Variants in IGF2BP3 observed in about 807,000 individuals in gnomAD.
IGF2BP3 encodes the protein insulin like growth factor 2 mRNA binding protein 3.
In IGF2BP3, 9 loss-of-function variants were observed where a neutral mutation model predicts 73.8. The ratio of observed to expected loss-of-function variants is 0.12; its 90% CI spans 0.07 to 0.21. IGF2BP3 has a LOEUF of 0.21. IGF2BP3 is among the 10% of genes least tolerant of loss of function. IGF2BP3 has a pLI of 1.00. For missense variants in IGF2BP3, 542 were observed against 714.0 expected (o/e 0.76, Z 2.75); for synonymous variants, 258 against 256.7 (o/e 1.01, Z -0.05).
chr7:23,444,516 G>C (rs536576602), intron 2 of IGF2BP3, among the ~76,000 whole-genome samples: 1 of 152,126 alleles, frequency 6.6e-6, no homozygotes, highest in African/African-American at 2.4e-5. Context: ...CAAAGCAAAT[G>C]GATCACTTGA....
intron 3 of IGF2BP3, among the ~76,000 whole-genome samples, chr7:23,378,569 GTTTTTTTTTT>G (rs1156868701): frequency 1.5e-5 from 1 of 65,884 alleles, no homozygotes; most frequent in Non-Finnish European, 2.6e-5. Flanking sequence ...ATTTTTGCTT[GTTTTTTTTTT>G]TTTTTTTTTT....
At chr7:23,321,381 A>C (rs1175100056) in intron 10 of IGF2BP3, among the ~76,000 whole-genome samples, 2 of 152,166 alleles carry the variant, frequency 1.3e-5, no homozygotes, top group Non-Finnish European at 2.9e-5. Context: ...AAAAAACGGC[A>C]CACCAGGAGA....
rs1784962783 is a variant in IGF2BP3 at position 23,351,550 on chromosome 7, A to G, written c.438T>C (p.Asn146=). ...LDKLNGFQLE[N]FTLKVAYIPD... The stretch of plus-strand genomic sequence containing the variant: ...GGATATAGGCTACTTTCAAGGTGAA[A>G]TTCTCTAACTGAAATCCATTCAGTT... Residue 146 remains asparagine, a synonymous_variant, in exon 6 of 15, where the codon AAT becomes AAC. Coordinates refer to ENST00000258729, the MANE Select transcript of IGF2BP3 (RefSeq NM_006547.3). The G allele has an allele frequency of 2.5e-6, 4 of 1,614,090 alleles. No individual in the cohort carries two copies. The African/African-American group carries it at 4.0e-5, about 16-fold the overall frequency.
At chr7:23,432,837 A>C (rs903394795) in intron 2 of IGF2BP3, among the ~76,000 whole-genome samples, 6 of 152,134 alleles carry the variant, frequency 3.9e-5, no homozygotes, top group Non-Finnish European at 8.8e-5. Flanking sequence ...CTGTGGTTTC[A>C]CCACGTTGCC....
chr7:23,456,669 A>T (rs1313574268), intron 2 of IGF2BP3, among the ~76,000 whole-genome samples: 1 of 152,232 alleles, frequency 6.6e-6, no homozygotes, highest in Non-Finnish European at 1.5e-5. Context: ...TTGATGAGAC[A>T]GTTCTTACTC....
At chr7:23,356,367 C>T (rs274062) in intron 5 of IGF2BP3, among the ~76,000 whole-genome samples, 1 of 151,604 alleles carries the variant, frequency 6.6e-6, no homozygotes, top group Non-Finnish European at 1.5e-5. Context: ...AGATCAGCCT[C>T]GGCAACACAG....
chr7:23,341,389 C>T (rs1423559412), intron 10 of IGF2BP3, among the ~76,000 whole-genome samples: 2 of 152,026 alleles, frequency 1.3e-5, no homozygotes, highest in African/African-American at 4.8e-5. Flanking sequence ...AATTACTGGC[C>T]AGGTAATAGC....
intron 6 of IGF2BP3, chr7:23,347,954 A>C (rs909388165): frequency 7.8e-6 from 4 of 510,466 alleles, no homozygotes; most frequent in Non-Finnish European, 1.4e-5. Flanking sequence ...AATCCAACCA[A>C]GCGGGGACAT....
At chr7:23,314,307 T>C (rs914363513) in intron 12 of IGF2BP3, among the ~76,000 whole-genome samples, 2 of 151,842 alleles carry the variant, frequency 1.3e-5, no homozygotes, top group Admixed American at 1.3e-4. Context: ...CTCAGCCTCC[T>C]GAGTAGCTGG....
At chr7:23,444,468 C>A (rs1011841307) in intron 2 of IGF2BP3, among the ~76,000 whole-genome samples, 5 of 151,982 alleles carry the variant, frequency 3.3e-5, no homozygotes, top group Non-Finnish European at 7.4e-5. Context: ...AGGTCAGGTG[C>A]GGGGGCTCAC....
intron 3 of IGF2BP3, chr7:23,415,670 C>G (rs907058908): frequency 6.1e-6 from 1 of 165,238 alleles, no homozygotes; most frequent in Non-Finnish European, 1.3e-5. Flanking sequence ...ATCCCAGGCG[C>G]CAGCCATAGC....
intron 5 of IGF2BP3, among the ~76,000 whole-genome samples, chr7:23,353,836 T>G (rs547457687): frequency 6.6e-6 from 1 of 152,244 alleles, no homozygotes; most frequent in Non-Finnish European, 1.5e-5. Context: ...GTCCCCTTTT[T>G]TTCTTAAGGG....
chr7:23,437,373 C>CT (rs1787830090), intron 2 of IGF2BP3, among the ~76,000 whole-genome samples: 2 of 151,244 alleles, frequency 1.3e-5, no homozygotes, highest in African/African-American at 4.9e-5. Context: ...ATCCCAGCTA[C>CT]TTAGGGGGCT....
At chr7:23,397,872 T>TA (rs1409688657) in intron 3 of IGF2BP3, among the ~76,000 whole-genome samples, 1 of 152,156 alleles carries the variant, frequency 6.6e-6, no homozygotes, top group Non-Finnish European at 1.5e-5. Flanking sequence ...AGGGTATAAG[T>TA]AAGTATCTTG....
chr7:23,342,135 G>A lies in IGF2BP3; in HGVS notation c.1132C>T (p.Pro378Ser). 1 of 1,613,326 alleles carries A rather than the reference G, an allele frequency of 6.2e-7. No homozygotes were observed. The change falls in exon 10 of 15, where the codon CCC (proline) becomes TCC (serine). Residue 378 changes from proline to serine, a missense_variant. Physicochemically the swap from Pro to Ser is moderately conservative, Grantham distance 74 (BLOSUM62 -1). Around this residue, in one of 2 missense-constraint regions of IGF2BP3, gnomAD observed 303 missense variants for 472.1 expected, o/e 0.64. Coordinates refer to ENST00000258729, the MANE Select transcript of IGF2BP3 (RefSeq NM_006547.3). ...LNLNALGLFP[P>S]TSGMPPPTSG... is the part of the protein sequence containing the mutation. ...GTGGGAGGTGGCATCCCTGAAGTGG[G>A]TGGGAACAGACCCAAGGCGTTCAGA...
rs529209011 is a variant in IGF2BP3, at chr7:23,403,695, C to A, written c.285+15081G>T. Among the ~76,000 whole-genome samples the A allele has an allele frequency of 7.9e-5, 12 of 152,284 alleles. No homozygotes were observed. The East Asian group carries it at 2.3e-3, about 29-fold the overall frequency. ...CTGCCTAGTTTAAATCCTAATTCAG[C>A]CAATGGTAGCTGCAAGACCTTGGCA... On this transcript the variant is annotated intron_variant, in intron 3 of 14. Coordinates refer to ENST00000258729, the MANE Select transcript of IGF2BP3 (RefSeq NM_006547.3).
chr7:23,426,887 T>A (rs958925005), intron 2 of IGF2BP3, among the ~76,000 whole-genome samples: 1 of 152,200 alleles, frequency 6.6e-6, no homozygotes, highest in Non-Finnish European at 1.5e-5. Context: ...GCCTTCTGTG[T>A]TTTTTAGCCA....
intron 10 of IGF2BP3, among the ~76,000 whole-genome samples, chr7:23,341,379 A>C (rs866014056): frequency 1.3e-5 from 2 of 152,284 alleles, no homozygotes; most frequent in African/African-American, 2.4e-5. Flanking sequence ...AGTATTTAAT[A>C]ATTACTGGCC....
At chr7:23,351,875 A>G (rs1784972219) in intron 5 of IGF2BP3, among the ~76,000 whole-genome samples, 1 of 152,114 alleles carries the variant, frequency 6.6e-6, no homozygotes, top group South Asian at 2.1e-4. Flanking sequence ...AAAACAAAAA[A>G]CATTTTGTCA....
Sources: allele counts gnomAD v4.1 joint callset (sites outside exome capture counted in the v4.1 genomes callset), GRCh38; gene constraint gnomAD v4.1.1; regional missense constraint gnomAD v4.1.1; transcripts MANE v1.5; gene names NCBI Gene and HGNC (gene_info 2026-07-23, HGNC 2026-07-21).